Variants in CLASP2 observed in about 807,000 individuals in gnomAD.
CLASP2 encodes cytoplasmic linker associated protein 2, also known as CLIP-associating protein 2.
A neutral mutation model predicts 194.4 loss-of-function variants in CLASP2; 47 were observed. The ratio of observed to expected loss-of-function variants is 0.24; its 90% CI spans 0.19 to 0.31. The LOEUF (loss-of-function observed/expected upper bound fraction) is 0.31. Among genes scored for constraint, CLASP2 ranks in the 10% least tolerant of loss-of-function variants. CLASP2 has a pLI of 1.00. For missense variants in CLASP2, 1,445 were observed against 1,823.6 expected, an observed-to-expected ratio of 0.79 and a Z score of 3.78; for synonymous variants, 619 against 633.5, an observed-to-expected ratio of 0.98 and a Z score of 0.34.
chr3:33,686,151 A>G (rs553313754), intron 5 of CLASP2, among the ~76,000 whole-genome samples: 3 of 152,312 alleles, frequency 2.0e-5, no homozygotes, highest in African/African-American at 7.2e-5. Flanking sequence ...CAGAGCAGGT[A>G]GGATCTAAAA....
chr3:33,499,177 GT>G (rs869041138), intron 38 of CLASP2, among the ~76,000 whole-genome samples: 15 of 152,028 alleles, frequency 9.9e-5, no homozygotes, highest in African/African-American at 3.4e-4. Flanking sequence ...TTTGTGAGGG[GT>G]TTTTGCCCGC....
Position 33,706,828 on chromosome 3 carries a change from G to C in CLASP2, c.196-9895C>G, listed in dbSNP as rs113364728. Among the ~76,000 whole-genome samples, 1,119 of 151,996 alleles carry C rather than the reference G, an allele frequency of 7.4e-3. 13 individuals carry two copies. The highest frequency in any genetic ancestry group is 0.025 in the African/African-American group (1,057 of 41,464). On this transcript the variant is annotated intron_variant, in intron 1 of 38. Transcript: ENST00000682230. ...AAAAATTTTAAAGTTAGTTGGGCAT[G>C]GTGGTGTGCGCCTGTAGTCCCAGCT...
chr3:33,694,277 C>A (rs1439378952), intron 2 of CLASP2, among the ~76,000 whole-genome samples: 2 of 152,164 alleles, frequency 1.3e-5, no homozygotes, highest in Admixed American at 1.3e-4. Flanking sequence ...GAATTAAGTT[C>A]TGAAAGGAGG....
At chr3:33,515,055 T>G (rs919756436) in intron 36 of CLASP2, among the ~76,000 whole-genome samples, 4 of 152,092 alleles carry the variant, frequency 2.6e-5, no homozygotes, top group African/African-American at 9.7e-5. Flanking sequence ...TACAATGGAC[T>G]TTGGGGACTT....
chr3:33,678,530 C>G (rs1245079447), intron 6 of CLASP2, among the ~76,000 whole-genome samples: 1 of 152,004 alleles, frequency 6.6e-6, no homozygotes, highest in African/African-American at 2.4e-5. Flanking sequence ...TTCTACCAAT[C>G]TAGAATTCTA....
At chr3:33,648,711 T>C (rs568701970) in intron 7 of CLASP2, among the ~76,000 whole-genome samples, 7 of 152,188 alleles carry the variant, frequency 4.6e-5, no homozygotes, top group African/African-American at 1.7e-4. Flanking sequence ...TAAATAACTA[T>C]GAAATATCAA....
chr3:33,683,918 C>G (rs1233728144), intron 6 of CLASP2, among the ~76,000 whole-genome samples: 2 of 119,036 alleles, frequency 1.7e-5, no homozygotes, highest in African/African-American at 3.4e-5. Flanking sequence ...CCAGCCTGAG[C>G]AAGACTCTGT....
chr3:33,646,087 T>A (rs149587384), intron 7 of CLASP2, among the ~76,000 whole-genome samples: 132 of 152,176 alleles, frequency 8.7e-4, no homozygotes, highest in African/African-American at 2.8e-3. Flanking sequence ...ACGCTTCAGA[T>A]GAATATGCCA....
chr3:33,598,969 G>C (rs1345147441), intron 18 of CLASP2, among the ~76,000 whole-genome samples: 4 of 152,090 alleles, frequency 2.6e-5, no homozygotes, highest in African/African-American at 7.2e-5. Flanking sequence ...CAGTACTTTA[G>C]AGATAACAAA....
intron 1 of CLASP2, 32 bp downstream of exon 1, chr3:33,717,776 G>A (rs372329922): frequency 3.0e-5 from 47 of 1,546,166 alleles, no homozygotes; most frequent in African/African-American, 4.1e-5. Flanking sequence ...CGCGGAGGGC[G>A]TGACCAGCCC....
At chr3:33,522,691 A>C (rs572004266) in intron 34 of CLASP2, among the ~76,000 whole-genome samples, 1 of 152,354 alleles carries the variant, frequency 6.6e-6, no homozygotes, top group South Asian at 2.1e-4. Flanking sequence ...GTATGAACAA[A>C]ATGGAAATAT....
intron 18 of CLASP2, among the ~76,000 whole-genome samples, chr3:33,599,974 A>G (rs2071572281): frequency 6.6e-6 from 1 of 152,206 alleles, no homozygotes; most frequent in South Asian, 2.1e-4. Context: ...ACAAAAAAAA[A>G]TTGTCCCAAA....
chr3:33,599,985 T>C (rs965884294), intron 18 of CLASP2, among the ~76,000 whole-genome samples: 2 of 152,192 alleles, frequency 1.3e-5, no homozygotes, highest in African/African-American at 4.8e-5. Flanking sequence ...TTGTCCCAAA[T>C]TGGCTTTCTA....
chr3:33,582,121 T>C (rs764668327), intron 22 of CLASP2, among the ~76,000 whole-genome samples, 193 bp from the exon 23 acceptor site: 5 of 152,216 alleles, frequency 3.3e-5, no homozygotes, highest in Non-Finnish European at 5.9e-5. Flanking sequence ...CTCTAGTTTG[T>C]ATGAAATTAG....
At chr3:33,560,647 C>T (rs2061666195) in intron 28 of CLASP2, among the ~76,000 whole-genome samples, 161 bp downstream of exon 28, 1 of 152,044 alleles carries the variant, frequency 6.6e-6, no homozygotes, top group Non-Finnish European at 1.5e-5. Flanking sequence ...AAAAATGTTG[C>T]TTTAAATATA....
intron 1 of CLASP2, among the ~76,000 whole-genome samples, chr3:33,714,320 T>C (rs1251207535): frequency 6.6e-6 from 1 of 152,164 alleles, no homozygotes; most frequent in Non-Finnish European, 1.5e-5. Flanking sequence ...ATATGCCTAT[T>C]TCCATATTTT....
chr3:33,555,366 ATTTT>A (rs68163303), intron 29 of CLASP2, among the ~76,000 whole-genome samples: 2 of 141,948 alleles, frequency 1.4e-5, no homozygotes, highest in Admixed American at 7.1e-5. Context: ...TAATATTCTG[ATTTT>A]TTTTTTTTTT....
At chr3:33,560,158 CGTT>C (rs1560030206) in intron 28 of CLASP2, among the ~76,000 whole-genome samples, 1 of 151,768 alleles carries the variant, frequency 6.6e-6, no homozygotes, top group African/African-American at 2.4e-5. Flanking sequence ...CATAATAAAA[CGTT>C]GTTTAAATAC....
chr3:33,683,775 A>C (rs1273328923), intron 6 of CLASP2, among the ~76,000 whole-genome samples: 1 of 151,534 alleles, frequency 6.6e-6, no homozygotes, highest in African/African-American at 2.4e-5. Flanking sequence ...AACCGTCTCA[A>C]CTAAAAATGC....
Sources: gnomAD v4.1 joint callset for allele counts (sites outside exome capture counted in the v4.1 genomes callset) on GRCh38, gnomAD v4.1.1 for gene constraint, MANE v1.5 for transcripts, NCBI Gene and HGNC (gene_info 2026-07-23, HGNC 2026-07-21) for gene names.